GRID2: variants seen among roughly 807,000 people sequenced by gnomAD.
GRID2 encodes glutamate receptor ionotropic, delta-2.
A neutral mutation model predicts 114.8 loss-of-function variants in GRID2; 33 were observed. The ratio of observed to expected loss-of-function variants is 0.29; its 90% CI spans 0.22 to 0.38. GRID2 has a LOEUF of 0.38. Ranked by LOEUF, GRID2 falls within the 10% of genes least tolerant of loss-of-function variation. The pLI is 1.00. For synonymous variants in GRID2, 505 were observed against 449.9 expected, an observed-to-expected ratio of 1.12 and a Z score of -1.55; for missense variants, 1,184 against 1,257.7, an observed-to-expected ratio of 0.94 and a Z score of 0.89.
At chr4:92,777,369 C>A (rs1247537930) in intron 2 of GRID2, among the ~76,000 whole-genome samples, 1 of 151,906 alleles carries the variant, frequency 6.6e-6, no homozygotes, top group East Asian at 1.9e-4. Flanking sequence ...TAATAACAGC[C>A]CCATACCAGT....
chr4:92,835,580 T>C (rs562209348), intron 2 of GRID2, among the ~76,000 whole-genome samples: 2 of 152,194 alleles, frequency 1.3e-5, no homozygotes, highest in East Asian at 3.9e-4. Flanking sequence ...ACAAGGCAGA[T>C]TTCATAGGCT....
chr4:93,490,850 A>C, intron 12 of GRID2, 73 bp downstream of exon 12: 1 of 997,274 alleles, frequency 1.0e-6, no homozygotes, highest in Non-Finnish European at 1.5e-6. Flanking sequence ...TCTGAGAATA[A>C]GTATGTGGTG....
chr4:92,407,146 C>G lies in GRID2; in HGVS notation c.88+102402C>G, dbSNP rs575839765. Among the ~76,000 whole-genome samples, 466 of 152,136 alleles carry G rather than the reference C, an allele frequency of 3.1e-3. 5 individuals carry two copies. The highest frequency in any genetic ancestry group is 0.011 in the African/African-American group (446 of 41,514). On this transcript the variant is annotated intron_variant, in intron 1 of 15. Coordinates refer to ENST00000282020, the MANE Select transcript of GRID2 (RefSeq NM_001510.4). ...TAAACCATCATATCTCATGAGAACT[C>G]TCTATCACGAGAACAGCATGGGGGA... is the stretch of plus-strand genomic sequence containing the variant.
At chr4:93,743,320 G>A (rs1379557622) in intron 14 of GRID2, among the ~76,000 whole-genome samples, 2 of 152,140 alleles carry the variant, frequency 1.3e-5, no homozygotes, top group South Asian at 2.1e-4. Flanking sequence ...GTAAAGCCAC[G>A]GGTGCTAACA....
chr4:92,597,125 A>T (rs1438007397), intron 2 of GRID2, among the ~76,000 whole-genome samples: 2 of 151,962 alleles, frequency 1.3e-5, no homozygotes, highest in African/African-American at 4.8e-5. Flanking sequence ...TGTTTAATTT[A>T]TAAAGGAAAG....
chr4:93,785,215 C>A (rs1223994120), intron 1 of GRID2, among the ~76,000 whole-genome samples: 1 of 152,096 alleles, frequency 6.6e-6, no homozygotes, highest in African/African-American at 2.4e-5. Context: ...AGTTTCGTAC[C>A]TTTTACAATT....
chr4:92,463,486 C>T (rs1048727211), intron 1 of GRID2, among the ~76,000 whole-genome samples: 1 of 151,944 alleles, frequency 6.6e-6, no homozygotes, highest in Non-Finnish European at 1.5e-5. Context: ...AAAAAATAAA[C>T]TCAAAACTCC....
At position 93,602,360 on chromosome 4, in the gene GRID2, G is replaced by C. The variant is rs551322376; in HGVS notation, c.2194-23909G>C. On this transcript the variant is annotated intron_variant, in intron 13 of 15. Coordinates refer to ENST00000282020, the MANE Select transcript of GRID2 (RefSeq NM_001510.4). ...TGCTTTTGATGCATGAGTGTACCTTGTTTTATGGGGCTTATTGCACTCCAC... is the reference window on the plus strand; with the variant it reads ...TGCTTTTGATGCATGAGTGTACCTTCTTTTATGGGGCTTATTGCACTCCAC... 3.3e-5 allele frequency among the ~76,000 whole-genome samples: 5 copies of C among 152,244 alleles called. No individual in the cohort carries two copies. The South Asian group carries it at 8.3e-4, about 25-fold the overall frequency.
chr4:92,460,504 G>A (rs1721442707), intron 1 of GRID2, among the ~76,000 whole-genome samples: 1 of 152,116 alleles, frequency 6.6e-6, no homozygotes, highest in South Asian at 2.1e-4. Context: ...ATCTGTAATG[G>A]AAGGGAACTG....
chr4:93,366,730 G>A (rs911297456), intron 8 of GRID2, among the ~76,000 whole-genome samples: 4 of 151,880 alleles, frequency 2.6e-5, no homozygotes, highest in South Asian at 2.1e-4. Flanking sequence ...TGTCTACCCC[G>A]GACGCCCGGC....
intron 2 of GRID2, among the ~76,000 whole-genome samples, chr4:93,001,874 A>G (rs767358891): frequency 2.6e-5 from 4 of 151,712 alleles, no homozygotes; most frequent in Non-Finnish European, 4.4e-5. Context: ...TCATGAGTTC[A>G]TATTTTATTT....
intron 4 of GRID2, among the ~76,000 whole-genome samples, chr4:93,148,579 T>A (rs1297834329): frequency 6.6e-6 from 1 of 152,196 alleles, no homozygotes; most frequent in Non-Finnish European, 1.5e-5. Context: ...TAAGTATATT[T>A]ATTGAAGCAT....
chr4:92,325,249 G>A (rs572794341), intron 1 of GRID2, among the ~76,000 whole-genome samples: 6 of 151,710 alleles, frequency 4.0e-5, no homozygotes, highest in Non-Finnish European at 5.9e-5. Flanking sequence ...CTTCTTTACC[G>A]TAGTGTTTTT....
At chr4:93,783,198 T>C (rs140364584) in intron 1 of GRID2, among the ~76,000 whole-genome samples, 134 of 152,382 alleles carry the variant, frequency 8.8e-4, no homozygotes, top group African/African-American at 3.2e-3. Context: ...GGCTCAGTGC[T>C]AGGCACTATG....
chr4:92,947,956 A>G (rs1004564457), intron 2 of GRID2, among the ~76,000 whole-genome samples: 8 of 151,884 alleles, frequency 5.3e-5, no homozygotes, highest in African/African-American at 1.9e-4. Context: ...GCCATCAAAT[A>G]TGCTTCTGAA....
chr4:92,647,273 A>G (rs1198749510), intron 2 of GRID2, among the ~76,000 whole-genome samples: 2 of 152,158 alleles, frequency 1.3e-5, no homozygotes, highest in African/African-American at 4.8e-5. Flanking sequence ...CCACACAGTA[A>G]AATTATATAA....
intron 1 of GRID2, among the ~76,000 whole-genome samples, chr4:92,325,038 A>G (rs958837662): frequency 2.0e-5 from 3 of 151,880 alleles, no homozygotes; most frequent in African/African-American, 7.2e-5. Flanking sequence ...TGCACAACTG[A>G]GCATGCTGTA....
Position 93,773,015 on chromosome 4 carries a change from T to C in GRID2, c.*517T>C, listed in dbSNP as rs898836366. 6.6e-6 allele frequency: 1 copy of C among 152,296 alleles called. No homozygotes were observed. The highest frequency in any genetic ancestry group is 1.5e-5 in the Non-Finnish European group (1 of 68,174). The allele number at this position is 152,296 out of a possible 1,614,324, so 9.4% of individuals were successfully genotyped here. A position where few individuals can be genotyped will look rare whatever the true frequency, so the allele number is the denominator to read the frequency against. ...GTTTATAAAACAATTTTAAGACCAT[T>C]CAGGCCACATAAGATGAGAATGCAA... On this transcript the variant is annotated 3_prime_UTR_variant, in exon 16 of 16. Transcript: ENST00000282020.
intron 13 of GRID2, among the ~76,000 whole-genome samples, chr4:93,605,250 A>G (rs1363578891): frequency 6.6e-6 from 1 of 152,196 alleles, no homozygotes; most frequent in Non-Finnish European, 1.5e-5. Context: ...TAAAAATTCA[A>G]TTCCTCAATC....
Sources: gnomAD v4.1 joint callset for allele counts (sites outside exome capture counted in the v4.1 genomes callset) on GRCh38, gnomAD v4.1.1 for gene constraint, MANE v1.5 for transcripts, NCBI Gene and HGNC (gene_info 2026-07-23, HGNC 2026-07-21) for gene names.